The following NBPF12 variants were observed in gnomAD, a reference collection of about 807,000 sequenced individuals.
NBPF12 encodes the protein NBPF member 12, also known as NBPF family member NBPF12.
Under a neutral mutation model 146.4 loss-of-function variants are expected in NBPF12, and 115 were observed. The observed-to-expected ratio is 0.79, with a 90% CI of 0.68 to 0.92. The LOEUF (loss-of-function observed/expected upper bound fraction) is 0.92. Ranked by LOEUF, NBPF12 falls within the 40% of genes least tolerant of loss-of-function variation. The pLI is 0.00. For synonymous variants in NBPF12, 385 were observed against 508.9 expected (o/e 0.76, Z 3.28); for missense variants, 1,205 against 1,326.8 (o/e 0.91, Z 1.43).
chr1:146,945,915 C>T (rs2101813788), upstream of NBPF12, among the ~76,000 whole-genome samples: 1 of 151,880 alleles, frequency 6.6e-6, no homozygotes, highest in South Asian at 2.1e-4. Context: ...AATAGTTTCA[C>T]TGCTGAAAAT....
In NBPF12 at chr1:146,984,876, T is replaced by A. The variant is rs1191270509; in HGVS notation, c.2730T>A (p.Cys910Ter). The A allele has an allele frequency of 1.3e-4, 186 of 1,446,578 alleles. No homozygotes were observed. In the East Asian group the frequency reaches 1.7e-3, roughly 14 times the overall value. 89.6% of individuals were successfully genotyped at this position (1,446,578 alleles called of 1,614,324 possible). ...TCTTGCAGGACTCACTGGATAGATG[T>A]TATTCAACTCCTTCAGTTTATCTTG... Residue 910 changes from cysteine to a stop codon, truncating the protein, a stop_gained, in exon 22 of 34, where the codon TGT (cysteine) becomes TGA (stop). Coordinates refer to ENST00000617844, the Ensembl canonical transcript of NBPF12. LOFTEE classifies it high-confidence loss of function.
At chr1:146,962,478 A>G (rs1246669293) in intron 5 of NBPF12, among the ~76,000 whole-genome samples, 4 of 151,860 alleles carry the variant, frequency 2.6e-5, no homozygotes, top group Admixed American at 6.6e-5. Context: ...TCTTTTTCAA[A>G]CAAGTAATTG....
At chr1:146,967,913 T>G (rs1417353898) in intron 9 of NBPF12, among the ~76,000 whole-genome samples, 1 of 145,748 alleles carries the variant, frequency 6.9e-6, no homozygotes. Context: ...CATGGCCTTA[T>G]GGTGTTATGT....
chr1:146,962,233 C>A, exon 5 of NBPF12: 2 of 1,606,992 alleles, frequency 1.2e-6, no homozygotes, highest in Non-Finnish European at 1.7e-6. Context: ...GAGAAGCTTG[C>A]AGAGCAGCTG....
chr1:146,976,213 T>C (rs1403126514), intron 16 of NBPF12, among the ~76,000 whole-genome samples: 75 of 151,852 alleles, frequency 4.9e-4, no homozygotes, highest in Admixed American at 4.6e-3. Flanking sequence ...GGACTAAGAA[T>C]GAAGGTTCCC....
intron 5 of NBPF12, among the ~76,000 whole-genome samples, chr1:146,962,682 T>C (rs1655934466): frequency 6.7e-6 from 1 of 150,246 alleles, no homozygotes; most frequent in South Asian, 2.2e-4. Context: ...TTTTCTTCTT[T>C]CATCTTTTCA....
At chr1:146,992,462 C>CTGTGTGTGTG (rs1163182082) in intron 31 of NBPF12, among the ~76,000 whole-genome samples, 2 of 66,272 alleles carry the variant, frequency 3.0e-5, no homozygotes, top group Non-Finnish European at 5.5e-5. Flanking sequence ...CTCTCTCTCT[C>CTGTGTGTGTG]TGTGTGTGTG....
At chr1:146,943,061 G>A (rs1409653635) in intron 1 of NBPF12, among the ~76,000 whole-genome samples, 7 of 141,794 alleles carry the variant, frequency 4.9e-5, no homozygotes, top group East Asian at 2.1e-4. Flanking sequence ...CACCATGCTC[G>A]GCTAATTTCT....
chr1:146,974,118 A>T (rs1411475667), intron 14 of NBPF12, among the ~76,000 whole-genome samples: 1 of 150,138 alleles, frequency 6.7e-6, no homozygotes, highest in Non-Finnish European at 1.5e-5. Context: ...CAGAGTAAAC[A>T]CTATCTATTA....
At chr1:146,971,620 C>A (rs1656617728) in intron 13 of NBPF12, among the ~76,000 whole-genome samples, 1 of 147,334 alleles carries the variant, frequency 6.8e-6, no homozygotes, top group Non-Finnish European at 1.5e-5. Context: ...TGAAACCCAT[C>A]TTTACGAAGA....
chr1:146,977,289 GCA>G (rs1268742823), intron 17 of NBPF12, among the ~76,000 whole-genome samples, 175 bp from the exon 21 acceptor site: 1 of 148,422 alleles, frequency 6.7e-6, no homozygotes, highest in Non-Finnish European at 1.5e-5. Flanking sequence ...GGTTCCCATG[GCA>G]GCCGTGCTCT....
At chr1:146,955,919 A>C (rs1655565154) in intron 2 of NBPF12, among the ~76,000 whole-genome samples, 1 of 151,164 alleles carries the variant, frequency 6.6e-6, no homozygotes, top group African/African-American at 2.4e-5. Context: ...GGCCCAGGAA[A>C]AACCTAGGCA....
intron 1 of NBPF12, among the ~76,000 whole-genome samples, chr1:146,942,868 C>G (rs1654868277): frequency 6.7e-6 from 1 of 150,050 alleles, no homozygotes; most frequent in Admixed American, 6.7e-5. Context: ...TCACTAAGAT[C>G]TACCTCAAAT....
chr1:146,969,790 G>A (rs2101871100), intron 11 of NBPF12, among the ~76,000 whole-genome samples, 194 bp downstream of exon 14: 1 of 151,522 alleles, frequency 6.6e-6, no homozygotes, highest in East Asian at 1.9e-4. Flanking sequence ...AGTATTGCAA[G>A]TGTCCCTCCT....
rs1658247257 is a variant in NBPF12 at position 146,992,473 on chromosome 1, TG to T, written c.3849-238del. 7.1e-5 allele frequency among the ~76,000 whole-genome samples: 8 copies of T among 113,126 alleles called. 1 individual carries two copies. Among genetic ancestry groups the T allele is most frequent in the African/African-American group, 2.8e-4 (8 of 29,050 alleles). 74.2% of individuals were successfully genotyped at this position (113,126 alleles called of 152,430 possible). ...CTCTCTCTCTCTCTCTGTGTGTGTG[TG>T]TGTGTGTGTGTGTGTGTGTGTGTGT... On this transcript the variant is annotated intron_variant, in intron 31 of 33. Transcript: ENST00000617844.
At chr1:146,972,112 C>T (rs1358191524) in intron 13 of NBPF12, among the ~76,000 whole-genome samples, 1 of 136,698 alleles carries the variant, frequency 7.3e-6, no homozygotes, top group African/African-American at 2.8e-5. Context: ...AAGTAAGTCT[C>T]TGACCAGGGG....
At position 146,943,666 on chromosome 1, in the gene NBPF12, G is replaced by A. The variant is rs1279295751; in HGVS notation, c.-550+104G>A. The A allele has an allele frequency of 3.3e-5, 23 of 691,470 alleles. No homozygotes were observed. The East Asian group carries it at 1.3e-3, about 39-fold the overall frequency. 42.8% of individuals were successfully genotyped at this position (691,470 alleles called of 1,614,324 possible). ...TGCCAAGGGCCCTAAACATCACAGG[G>A]CCTTGCGTGGCATCAAACAGATATT... is the stretch of plus-strand genomic sequence containing the variant. On this transcript the variant is annotated intron_variant, in intron 2 of 35. Transcript: ENST00000617931.
intron 1 of NBPF12, among the ~76,000 whole-genome samples, chr1:146,940,555 CAAAAA>C (rs1176310781): frequency 7.5e-6 from 1 of 133,644 alleles, no homozygotes; most frequent in Non-Finnish European, 1.6e-5. Flanking sequence ...AACCCTGCCT[CAAAAA>C]AAAAAAAAAA....
chr1:146,965,032 G>A (rs1215718280), exon 8 of NBPF12: 1 of 1,608,522 alleles, frequency 6.2e-7, no homozygotes. Flanking sequence ...GGAAGACAAA[G>A]TCAACTCAAC....
Sources: allele counts gnomAD v4.1 joint callset (sites outside exome capture counted in the v4.1 genomes callset), GRCh38; gene constraint gnomAD v4.1.1; transcripts MANE v1.5; gene names NCBI Gene and HGNC (gene_info 2026-07-23, HGNC 2026-07-21).